Variants in NEURL1B observed in about 807,000 individuals in gnomAD.
The protein encoded by NEURL1B is E3 ubiquitin-protein ligase NEURL1B.
Under a neutral mutation model 37.4 loss-of-function variants are expected in NEURL1B, and 13 were observed. The observed-to-expected ratio is 0.35, with a 90% confidence interval of 0.23 to 0.55. The LOEUF (loss-of-function observed/expected upper bound fraction) is 0.55. Among genes scored for constraint, NEURL1B ranks in the 20% least tolerant of loss-of-function variants. NEURL1B has a pLI of 0.89. For missense variants in NEURL1B, 790 were observed against 879.2 expected (o/e 0.90, Z 1.28); for synonymous variants, 432 against 426.6 (o/e 1.01, Z -0.16).
intron 2 of NEURL1B, among the ~76,000 whole-genome samples, chr5:172,679,268 C>A (rs1270596532): frequency 2.6e-5 from 4 of 152,272 alleles, no homozygotes; most frequent in African/African-American, 9.6e-5. Flanking sequence ...ACTCACTCCA[C>A]CTCTCAGCGC....
In NEURL1B at chr5:172,683,763, C is replaced by T. The variant is rs768580543; in HGVS notation, c.922C>T (p.Arg308Cys). ...CTGCGCACCGCGGCCCGACGGCGGC[C>T]GCACGCTGGTCTTCTCCGAGCGCCC... ...VACAPRPDGG[R>C]TLVFSERPLR... The change falls in exon 3 of 5, where the codon CGC becomes TGC. Residue 308 changes from arginine to cysteine, a missense_variant. Physicochemically the swap from Arg to Cys is radical, Grantham distance 180. Around this residue, in one of 3 missense-constraint regions of NEURL1B, gnomAD observed 460 missense variants for 407.4 expected, o/e 1.13. Transcript: ENST00000369800. This position sits in a 1 kb window ranked among gnomAD's most constrained non-coding sequence, Gnocchi z 5.6. The T allele has an allele frequency of 9.2e-6, 12 of 1,308,390 alleles. No individual in the cohort carries two copies. In the South Asian group the frequency reaches 1.6e-4, roughly 17 times the overall value. 81.0% of individuals were successfully genotyped at this position (1,308,390 alleles called of 1,614,324 possible). A position where few individuals can be genotyped will look rare whatever the true frequency, so the allele number is the denominator to read the frequency against.
chr5:172,672,496 C>A (rs1250252220), intron 2 of NEURL1B, among the ~76,000 whole-genome samples: 5 of 151,240 alleles, frequency 3.3e-5, no homozygotes, highest in African/African-American at 1.2e-4. Context: ...TGGAAGCAGC[C>A]TTTGATGACT....
Position 172,683,407 on chromosome 5 carries a change from T to C in NEURL1B, c.578-12T>C, listed in dbSNP as rs1195081921. On this transcript the variant is annotated splice_polypyrimidine_tract_variant and intron_variant, in intron 2 of 4. Transcript: ENST00000369800. The surrounding 1 kb of genome is among the most constrained non-coding windows in gnomAD (Gnocchi z 5.6). Reference sequence around the variant, plus strand: ...CCTCTCCCCCTCCATGTCCCTCCCTTTGTCCGCACAGAGAGCGCCTTCGCT... The same window carrying C: ...CCTCTCCCCCTCCATGTCCCTCCCTCTGTCCGCACAGAGAGCGCCTTCGCT... The C allele has an allele frequency of 7.5e-7, 1 of 1,326,404 alleles. No homozygotes were observed. Among genetic ancestry groups the C allele is most frequent in the Non-Finnish European group, 9.7e-7 (1 of 1,031,814 alleles). 82.2% of individuals were successfully genotyped at this position (1,326,404 alleles called of 1,614,324 possible).
intron 2 of NEURL1B, among the ~76,000 whole-genome samples, chr5:172,679,371 C>T (rs1161289834): frequency 1.3e-5 from 2 of 152,248 alleles, no homozygotes; most frequent in Non-Finnish European, 2.9e-5. Flanking sequence ...TATGGAGCTG[C>T]GTCTAGCAGG....
intron 1 of NEURL1B, among the ~76,000 whole-genome samples, chr5:172,667,753 A>C (rs914940710): frequency 2.0e-5 from 3 of 151,986 alleles, no homozygotes; most frequent in African/African-American, 7.3e-5. Context: ...TGGCCTGAGC[A>C]CTCCTACCAT....
Position 172,686,948 on chromosome 5 carries a change from G to T in NEURL1B, c.*23G>T. ...TAGCCTAGCCTGCCCACGGGCCTTG[G>T]CCGGTGCAAGGTCACCTTTCTGAAG... On this transcript the variant is annotated 3_prime_UTR_variant, in exon 5 of 5. Coordinates refer to ENST00000369800, the MANE Select transcript of NEURL1B (RefSeq NM_001142651.3). The surrounding 1 kb of genome is among the most constrained non-coding windows in gnomAD (Gnocchi z 7.9). The T allele has an allele frequency of 6.5e-6, 10 of 1,533,740 alleles. No homozygotes were observed. The highest frequency in any genetic ancestry group is 7.9e-6 in the Non-Finnish European group (9 of 1,133,422).
chr5:172,684,421 T>C (rs146262076), intron 3 of NEURL1B, among the ~76,000 whole-genome samples: 2 of 152,108 alleles, frequency 1.3e-5, no homozygotes, highest in African/African-American at 2.4e-5. Flanking sequence ...CTGGACCACA[T>C]TTTGTAAACC....
rs1401909251 is a variant in NEURL1B, at chr5:172,686,805, C to T, written c.1548C>T (p.Tyr516=). The change falls in exon 5 of 5, where the codon TAC becomes TAT. Residue 516 remains tyrosine, a synonymous_variant. Transcript: ENST00000369800. This position sits in a 1 kb window ranked among gnomAD's most constrained non-coding sequence, Gnocchi z 7.9. ...ATGGCGAGGTGGACACGGTCATCTACACGTGTGGACACATGTGCCTGTGCC... is the reference window on the plus strand; with the variant it reads ...ATGGCGAGGTGGACACGGTCATCTATACGTGTGGACACATGTGCCTGTGCC... ...CFDGEVDTVI[Y]TCGHMCLCHS... is the part of the protein sequence containing the mutation. The T allele has an allele frequency of 2.6e-6, 4 of 1,551,894 alleles. No individual in the cohort carries two copies. Among genetic ancestry groups the T allele is most frequent in the South Asian group, 2.4e-5 (2 of 84,090 alleles).
rs1380308844 is a variant in NEURL1B at position 172,661,028 on chromosome 5, G to C, written c.32-8757G>C. Reference sequence around the variant, plus strand: ...ATATCTTGGCCCCTCTGGATATGGCGGGAAGCCTTGCTAAATACCAGCCTT... The same window carrying C: ...ATATCTTGGCCCCTCTGGATATGGCCGGAAGCCTTGCTAAATACCAGCCTT... On this transcript the variant is annotated intron_variant, in intron 1 of 4. Transcript: ENST00000369800. The surrounding 1 kb of genome is among the most constrained non-coding windows in gnomAD (Gnocchi z 4.0). Among the ~76,000 whole-genome samples the C allele has an allele frequency of 6.6e-6, 1 of 152,134 alleles. No individual in the cohort carries two copies. Among genetic ancestry groups the C allele is most frequent in the African/African-American group, 2.4e-5 (1 of 41,436 alleles).
rs557514966 is a variant in NEURL1B, at chr5:172,689,277, C to T, written c.*2352C>T. On this transcript the variant is annotated 3_prime_UTR_variant, in exon 5 of 5. Transcript: ENST00000369800. ...TGCACACGTCCCCACTATGTTCTGT[C>T]TTGAGAAGGGGACAAGAGAAAGAGG... The T allele has an allele frequency of 3.3e-5, 5 of 152,364 alleles. No individual in the cohort carries two copies. Among genetic ancestry groups the T allele is most frequent in the Non-Finnish European group, 7.3e-5 (5 of 68,042 alleles). The allele number at this position is 152,364 out of a possible 1,614,324, so 9.4% of individuals were successfully genotyped here.
In NEURL1B at chr5:172,686,391, C is replaced by A; in HGVS notation, c.1423+95C>A. The A allele has an allele frequency of 7.6e-7, 1 of 1,311,012 alleles. No homozygotes were observed. The highest frequency in any genetic ancestry group is 1.1e-6 in the Non-Finnish European group (1 of 949,844). 81.2% of individuals were successfully genotyped at this position (1,311,012 alleles called of 1,614,324 possible). A position where few individuals can be genotyped will look rare whatever the true frequency, so the allele number is the denominator to read the frequency against. On this transcript the variant is annotated intron_variant, in intron 4 of 4. Transcript: ENST00000369800. The surrounding 1 kb of genome is among the most constrained non-coding windows in gnomAD (Gnocchi z 7.9). Reference sequence around the variant, plus strand: ...GCCTTCCAGGGACTGAGCAGGGTGGCCGCCTTTCCCCCGCATCCTCTCCTT... The same window carrying A: ...GCCTTCCAGGGACTGAGCAGGGTGGACGCCTTTCCCCCGCATCCTCTCCTT...
Position 172,641,478 on chromosome 5 carries a change from T to C in NEURL1B, c.31+41T>C. ...CTGCCCGGGAGGCGGGCGCCGGGCT[T>C]CTCTCCTCCGGGGGACCCGCTGGGT... On this transcript the variant is annotated intron_variant, in intron 1 of 4. Coordinates refer to ENST00000369800, the MANE Select transcript of NEURL1B (RefSeq NM_001142651.3). This position sits in a 1 kb window ranked among gnomAD's most constrained non-coding sequence, Gnocchi z 6.4. 2 of 1,263,880 alleles carry C rather than the reference T, an allele frequency of 1.6e-6. No individual in the cohort carries two copies. The highest frequency in any genetic ancestry group is 9.9e-7 in the Non-Finnish European group (1 of 1,005,822). 78.3% of individuals were successfully genotyped at this position (1,263,880 alleles called of 1,614,324 possible).
At chr5:172,664,189 CA>C (rs1036401112) in intron 1 of NEURL1B, among the ~76,000 whole-genome samples, 10 of 152,070 alleles carry the variant, frequency 6.6e-5, no homozygotes, top group East Asian at 1.9e-4. Flanking sequence ...AAAGTTAGGA[CA>C]GGGGGAAAAA....
chr5:172,671,103 G>C (rs573675538), intron 2 of NEURL1B, among the ~76,000 whole-genome samples: 9 of 152,238 alleles, frequency 5.9e-5, no homozygotes, highest in African/African-American at 2.2e-4. Context: ...CAACTGAGTG[G>C]CATATAGTTG....
Position 172,641,487 on chromosome 5 carries a change from C to T in NEURL1B, c.31+50C>T. 7.2e-6 allele frequency: 9 copies of T among 1,253,052 alleles called. No homozygotes were observed. The highest frequency in any genetic ancestry group is 9.0e-6 in the Non-Finnish European group (9 of 998,340). The allele number at this position is 1,253,052 out of a possible 1,614,324, so 77.6% of individuals were successfully genotyped here. On this transcript the variant is annotated intron_variant, in intron 1 of 4. Coordinates refer to ENST00000369800, the MANE Select transcript of NEURL1B (RefSeq NM_001142651.3). This position sits in a 1 kb window ranked among gnomAD's most constrained non-coding sequence, Gnocchi z 6.4. ...AGGCGGGCGCCGGGCTTCTCTCCTCCGGGGGACCCGCTGGGTGACTCTGGA... is the reference window on the plus strand; with the variant it reads ...AGGCGGGCGCCGGGCTTCTCTCCTCTGGGGGACCCGCTGGGTGACTCTGGA...
chr5:172,650,864 A>C (rs1218898663), intron 1 of NEURL1B, among the ~76,000 whole-genome samples: 2 of 152,032 alleles, frequency 1.3e-5, no homozygotes, highest in African/African-American at 4.8e-5. Flanking sequence ...ATTTAAAGAG[A>C]ATGATGGGGT....
At chr5:172,672,155 G>A (rs556240199) in intron 2 of NEURL1B, among the ~76,000 whole-genome samples, 4 of 152,362 alleles carry the variant, frequency 2.6e-5, no homozygotes, top group African/African-American at 9.6e-5. Flanking sequence ...ATTTGCAAGT[G>A]AGCCGGAGCA....
chr5:172,650,477 A>G (rs1757640839), intron 1 of NEURL1B, among the ~76,000 whole-genome samples: 1 of 152,114 alleles, frequency 6.6e-6, no homozygotes, highest in Non-Finnish European at 1.5e-5. Context: ...GTGATTACAA[A>G]TGGGGTCTTT....
intron 2 of NEURL1B, among the ~76,000 whole-genome samples, chr5:172,670,666 C>T (rs1758112255): frequency 6.6e-6 from 1 of 152,256 alleles, no homozygotes; most frequent in African/African-American, 2.4e-5. Flanking sequence ...CATTCATTCG[C>T]TCACTCATTC....
Sources: gnomAD v4.1 joint callset for allele counts (sites outside exome capture counted in the v4.1 genomes callset) on GRCh38, gnomAD v4.1.1 for gene constraint, gnomAD v4.1.1 regional missense constraint, Gnocchi (gnomAD v3.1) non-coding constraint, MANE v1.5 for transcripts, NCBI Gene and HGNC (gene_info 2026-07-23, HGNC 2026-07-21) for gene names.